Variants in ROR1 observed in about 807,000 individuals in gnomAD.
ROR1 encodes inactive tyrosine-protein kinase transmembrane receptor ROR1.
ROR1 carries 19 observed loss-of-function variants against 78.8 expected under a neutral mutation model. The ratio of observed to expected loss-of-function variants is 0.24; its 90% confidence interval spans 0.17 to 0.35. ROR1 has a LOEUF of 0.35. Among genes scored for constraint, ROR1 ranks in the 10% least tolerant of loss-of-function variants. ROR1 has a pLI of 1.00. For synonymous variants in ROR1, 386 were observed against 433.6 expected (o/e 0.89, Z 1.36); for missense variants, 917 against 1,177.8 (o/e 0.78, Z 3.24).
At chr1:64,095,769 C>A (rs974311878) in intron 4 of ROR1, among the ~76,000 whole-genome samples, 1 of 152,062 alleles carries the variant, frequency 6.6e-6, no homozygotes, top group Non-Finnish European at 1.5e-5. Flanking sequence ...TTATATAAAA[C>A]AAGAAATTAA....
At chr1:64,053,000 G>A (rs1321019450) in intron 4 of ROR1, among the ~76,000 whole-genome samples, 1 of 152,058 alleles carries the variant, frequency 6.6e-6, no homozygotes, top group Admixed American at 6.6e-5. Flanking sequence ...GCCCTCAATA[G>A]GCAGCCAACC....
At chr1:64,042,111 A>G (rs1332678494) in intron 2 of ROR1, among the ~76,000 whole-genome samples, 1 of 152,182 alleles carries the variant, frequency 6.6e-6, no homozygotes, top group Non-Finnish European at 1.5e-5. Flanking sequence ...AAGCCAGGCA[A>G]GAATCAGGGG....
At chr1:63,862,391 CAAAAAA>C (rs1164915396) in intron 1 of ROR1, among the ~76,000 whole-genome samples, 6 of 56,822 alleles carry the variant, frequency 1.1e-4, no homozygotes, top group Admixed American at 8.0e-4. Context: ...GAGACTGTCT[CAAAAAA>C]AAAAAAAAAA....
chr1:64,152,289 C>T (rs955584294), intron 7 of ROR1, among the ~76,000 whole-genome samples: 2 of 152,214 alleles, frequency 1.3e-5, no homozygotes, highest in African/African-American at 4.8e-5. Flanking sequence ...GGTCCTCCTA[C>T]ATTTCCTTCC....
Position 64,136,662 on chromosome 1 carries a change from CT to C in ROR1, c.483-706del, listed in dbSNP as rs1354877910. On this transcript the variant is annotated intron_variant, in intron 4 of 8. Transcript: ENST00000371079. ...GTCTTCAAGATGAAATCTATTACCC[CT>C]CCTTATAAAAAAAGTCTTATAATTT... 1.5e-4 allele frequency among the ~76,000 whole-genome samples: 23 copies of C among 152,150 alleles called. No individual in the cohort carries two copies. In the East Asian group the frequency reaches 4.1e-3, roughly 27 times the overall value.
At chr1:63,930,272 A>G (rs993230662) in intron 1 of ROR1, among the ~76,000 whole-genome samples, 1 of 152,182 alleles carries the variant, frequency 6.6e-6, no homozygotes, top group Non-Finnish European at 1.5e-5. Context: ...TATCTGTTCA[A>G]CAGTGGTCAG....
chr1:63,876,534 G>A (rs986684710), intron 1 of ROR1, among the ~76,000 whole-genome samples: 6 of 151,994 alleles, frequency 3.9e-5, no homozygotes, highest in Non-Finnish European at 8.8e-5. Context: ...AAGGGGCATG[G>A]TGAATTTGAG....
intron 4 of ROR1, among the ~76,000 whole-genome samples, chr1:64,077,454 T>A (rs1005018489): frequency 1.3e-5 from 2 of 148,378 alleles, no homozygotes; most frequent in Non-Finnish European, 3.0e-5. Context: ...AAGGCAGAGG[T>A]GGAGCTGAGC....
intron 4 of ROR1, among the ~76,000 whole-genome samples, chr1:64,077,614 G>T (rs1647061903): frequency 1.3e-5 from 2 of 152,220 alleles, no homozygotes; most frequent in Non-Finnish European, 1.5e-5. Context: ...GGGCAACCCT[G>T]GCCCACAAAG....
chr1:63,944,659 C>T (rs1035124749), intron 1 of ROR1, among the ~76,000 whole-genome samples: 2 of 152,096 alleles, frequency 1.3e-5, no homozygotes, highest in African/African-American at 4.8e-5. Context: ...TTTCTTCTAT[C>T]CTCTCAGTGG....
intron 4 of ROR1, among the ~76,000 whole-genome samples, chr1:64,088,698 A>T (rs1647172717): frequency 6.6e-6 from 1 of 152,210 alleles, no homozygotes; most frequent in Non-Finnish European, 1.5e-5. Flanking sequence ...GACATAAATA[A>T]TTAAATCAGG....
At chr1:63,844,539 T>C (rs1348699697) in intron 1 of ROR1, among the ~76,000 whole-genome samples, 1 of 152,194 alleles carries the variant, frequency 6.6e-6, no homozygotes, top group Non-Finnish European at 1.5e-5. Context: ...GGTGAATGAA[T>C]ACATGAAAGA....
At chr1:64,082,570 C>T (rs1647112648) in intron 4 of ROR1, among the ~76,000 whole-genome samples, 1 of 152,218 alleles carries the variant, frequency 6.6e-6, no homozygotes, top group Admixed American at 6.5e-5. Context: ...AAGTCCCCAG[C>T]TGCAGCCCCT....
intron 4 of ROR1, among the ~76,000 whole-genome samples, chr1:64,135,608 G>C (rs1197480157): frequency 1.3e-5 from 2 of 152,016 alleles, no homozygotes; most frequent in African/African-American, 4.8e-5. Context: ...TAGGTTTATG[G>C]TATTAGTTAC....
At chr1:63,839,828 A>G (rs1224530841) in intron 1 of ROR1, among the ~76,000 whole-genome samples, 1 of 152,002 alleles carries the variant, frequency 6.6e-6, no homozygotes, top group Admixed American at 6.5e-5. Flanking sequence ...TTATTTAGCC[A>G]TCACTCAGTG....
At chr1:63,961,456 A>G (rs947650517) in intron 1 of ROR1, among the ~76,000 whole-genome samples, 3 of 152,344 alleles carry the variant, frequency 2.0e-5, no homozygotes, top group African/African-American at 7.2e-5. Flanking sequence ...CAATGGATGA[A>G]TGAATAATGA....
intron 4 of ROR1, among the ~76,000 whole-genome samples, chr1:64,108,646 C>T: frequency 6.6e-6 from 1 of 152,018 alleles, no homozygotes; most frequent in Non-Finnish European, 1.5e-5. Flanking sequence ...CCACTCCACC[C>T]ATCACATAAC....
intron 1 of ROR1, among the ~76,000 whole-genome samples, chr1:63,997,518 A>G (rs1646346814): frequency 6.6e-6 from 1 of 152,204 alleles, no homozygotes; most frequent in African/African-American, 2.4e-5. Flanking sequence ...CAAAAGTAAC[A>G]TTTTAATTGG....
At chr1:63,985,368 T>C (rs1646242396) in intron 1 of ROR1, among the ~76,000 whole-genome samples, 1 of 152,194 alleles carries the variant, frequency 6.6e-6, no homozygotes, top group Admixed American at 6.6e-5. Context: ...AGATATTTGT[T>C]TACCTATCCT....
Sources: gnomAD v4.1 joint callset for allele counts (sites outside exome capture counted in the v4.1 genomes callset) on GRCh38, gnomAD v4.1.1 for gene constraint, MANE v1.5 for transcripts, NCBI Gene and HGNC (gene_info 2026-07-23, HGNC 2026-07-21) for gene names.